The following MRGPRF variants were observed in gnomAD, a reference collection of about 807,000 sequenced individuals.
The protein encoded by MRGPRF is mas-related G protein-coupled receptor member F.
MRGPRF carries 2 observed loss-of-function variants against 3.3 expected under a neutral mutation model. The observed-to-expected ratio is 0.61, with a 90% confidence interval of 0.25 to 1.92. The LOEUF (loss-of-function observed/expected upper bound fraction) is 1.92, where lower values mean the gene tolerates loss of function less well. MRGPRF is among the 40% of genes most tolerant of loss of function. MRGPRF has a pLI of 0.16. For synonymous variants in MRGPRF, 242 were observed against 222.7 expected (o/e 1.09, Z -0.77); for missense variants, 500 against 476.0 (o/e 1.05, Z -0.47).
At chr11:69,006,338 G>A (rs1314027705) in intron 2 of MRGPRF, 77 bp from the exon 3 acceptor site, 3 of 1,385,176 alleles carry the variant, frequency 2.2e-6, no homozygotes, top group Non-Finnish European at 2.8e-6. Flanking sequence ...GCCCAGCGTG[G>A]GGGAGGGGGG....
intron 2 of MRGPRF, among the ~76,000 whole-genome samples, chr11:69,006,871 G>C (rs929816460): frequency 1.3e-5 from 2 of 152,114 alleles, no homozygotes; most frequent in African/African-American, 4.8e-5. Flanking sequence ...TGATCCACCT[G>C]CCTCCCAAAG....
At chr11:69,008,172 C>G (rs1031749810) in intron 2 of MRGPRF, among the ~76,000 whole-genome samples, 14 of 152,120 alleles carry the variant, frequency 9.2e-5, no homozygotes, top group African/African-American at 3.1e-4. Context: ...TGTGGAACAC[C>G]CGATCTTTAA....
In MRGPRF at chr11:69,005,701, G is replaced by A. The variant is rs1860462664; in HGVS notation, c.609C>T (p.Ile203=). The A allele has an allele frequency of 1.3e-6, 2 of 1,550,846 alleles. No homozygotes were observed. Among genetic ancestry groups the A allele is most frequent in the Admixed American group, 3.9e-5 (2 of 50,984 alleles). The change falls in exon 3 of 3, where the codon ATC becomes ATT. Residue 203 remains isoleucine (I), a synonymous_variant. Coordinates refer to ENST00000309099, the MANE Select transcript of MRGPRF (RefSeq NM_145015.5). ...GCGGGCAGCAGAGCAGGAACAGGAG[G>A]ATGCCCAGGAAGATGTCCATGTGCC... The part of the protein sequence containing the change: ...ACRHMDIFLG[I]LLFLLCCPLM...
chr11:69,008,039 C>T (rs1338563083), intron 2 of MRGPRF, among the ~76,000 whole-genome samples: 1 of 152,138 alleles, frequency 6.6e-6, no homozygotes, highest in Non-Finnish European at 1.5e-5. Flanking sequence ...ATCTGAGAGC[C>T]CCTCTCTTGA....
chr11:69,009,555 G>A (rs752898356), intron 2 of MRGPRF: 14 of 593,246 alleles, frequency 2.4e-5, no homozygotes, highest in Non-Finnish European at 3.6e-5. Context: ...CACCTCTGCA[G>A]GGAAGAGATG....
chr11:69,007,068 G>A (rs1860505837), intron 2 of MRGPRF, among the ~76,000 whole-genome samples: 1 of 152,222 alleles, frequency 6.6e-6, no homozygotes, highest in African/African-American at 2.4e-5. Context: ...AGAGATAATG[G>A]CATTGCATCG....
chr11:69,008,466 A>G (rs1399380603), intron 2 of MRGPRF, among the ~76,000 whole-genome samples: 2 of 152,186 alleles, frequency 1.3e-5, no homozygotes, highest in East Asian at 3.9e-4. Flanking sequence ...GTCCTGAGAG[A>G]CTGTTCTCTG....
intron 1 of MRGPRF, among the ~76,000 whole-genome samples, chr11:69,011,933 G>A (rs556078731): frequency 9.2e-5 from 14 of 152,320 alleles, no homozygotes; most frequent in African/African-American, 2.9e-4. Flanking sequence ...TACCATCTGC[G>A]TCCCTCCATT....
chr11:69,009,419 G>A (rs1860549277), intron 2 of MRGPRF: 1 of 493,438 alleles, frequency 2.0e-6, no homozygotes, highest in African/African-American at 2.0e-5. Flanking sequence ...CCCTGGCCTG[G>A]GGCAACACTC....
Position 69,005,865 on chromosome 11 carries a change from CG to C in MRGPRF, c.444del (p.Ala149ProfsTer107). On this transcript the variant is annotated frameshift_variant, in exon 3 of 3. Coordinates refer to ENST00000309099, the MANE Select transcript of MRGPRF (RefSeq NM_145015.5). LOFTEE classifies it low-confidence loss of function (END_TRUNC). ...SAERCASVIF[P>X]AWYWRRRPKR... ...TTGGGCCGCCGGCGCCAGTACCAGGCGGGGAAGATGACCGAGGCGCAGCGCT... is the reference window on the plus strand; with the variant it reads ...TTGGGCCGCCGGCGCCAGTACCAGGCGGGAAGATGACCGAGGCGCAGCGCT... The C allele has an allele frequency of 6.4e-7, 1 of 1,556,726 alleles. No homozygotes were observed.
At chr11:69,009,083 C>A (rs1256435326) in intron 2 of MRGPRF, among the ~76,000 whole-genome samples, 1 of 152,224 alleles carries the variant, frequency 6.6e-6, no homozygotes, top group Non-Finnish European at 1.5e-5. Flanking sequence ...CGCCACTCCA[C>A]AGCGGTCACT....
intron 2 of MRGPRF, chr11:69,009,593 G>A (rs1565065408): frequency 6.6e-6 from 4 of 607,704 alleles, no homozygotes; most frequent in Non-Finnish European, 1.2e-5. Context: ...GATGCTACAA[G>A]GCGACCACAG....
At position 69,009,988 on chromosome 11, in the gene MRGPRF, G is replaced by A; in HGVS notation, c.-56-31C>T. The A allele has an allele frequency of 2.8e-6, 4 of 1,418,550 alleles. No individual in the cohort carries two copies. In the South Asian group the frequency reaches 5.3e-5, roughly 19 times the overall value. The allele number at this position is 1,418,550 out of a possible 1,614,324, so 87.9% of individuals were successfully genotyped here. ...AGAAGCCCAGAGAGAGGGTGGATGA[G>A]GACAGCAGGGACCCCTCCCCTTCCT... On this transcript the variant is annotated intron_variant, in intron 1 of 2. Transcript: ENST00000309099.
chr11:69,007,667 G>A (rs540729358), intron 2 of MRGPRF, among the ~76,000 whole-genome samples: 2 of 152,284 alleles, frequency 1.3e-5, no homozygotes, highest in African/African-American at 4.8e-5. Flanking sequence ...CAACAAACAC[G>A]AAACTATTTG....
chr11:69,009,693 C>T, intron 2 of MRGPRF, 161 bp downstream of exon 2: 1 of 829,936 alleles, frequency 1.2e-6, no homozygotes, highest in Non-Finnish European at 2.0e-6. Context: ...GGAACTTGTG[C>T]CCGGCCACAT....
At chr11:69,010,961 A>G (rs1860582924) in intron 1 of MRGPRF, among the ~76,000 whole-genome samples, 1 of 151,992 alleles carries the variant, frequency 6.6e-6, no homozygotes, top group African/African-American at 2.4e-5. Flanking sequence ...TCCCTGCTGT[A>G]CTGGGGGGGT....
Position 69,009,942 on chromosome 11 carries a change from C to A in MRGPRF, c.-41G>T. 1.3e-6 allele frequency: 2 copies of A among 1,582,994 alleles called. No individual in the cohort carries two copies. On this transcript the variant is annotated 5_prime_UTR_variant, in exon 2 of 3. Coordinates refer to ENST00000309099, the MANE Select transcript of MRGPRF (RefSeq NM_145015.5). ...GTCTGGGCCCCTGCTGGCAGCTCAC[C>A]AGTCTGCACACCCACCTGGCAGAAG...
chr11:69,004,811 C>G lies in MRGPRF; in HGVS notation c.*467G>C. 1 of 156,788 alleles carries G rather than the reference C, an allele frequency of 6.4e-6. No homozygotes were observed. The highest frequency in any genetic ancestry group is 1.4e-5 in the Non-Finnish European group (1 of 71,388). 9.7% of individuals were successfully genotyped at this position (156,788 alleles called of 1,614,324 possible). A position where few individuals can be genotyped will look rare whatever the true frequency, so the allele number is the denominator to read the frequency against. The stretch of plus-strand genomic sequence containing the variant: ...TGAACCAGAACTTTCTTCCAGACAC[C>G]ATTTCCTTCACATTTGCTCACTGAT... On this transcript the variant is annotated 3_prime_UTR_variant, in exon 3 of 3. Transcript: ENST00000309099.
intron 1 of MRGPRF, among the ~76,000 whole-genome samples, chr11:69,010,339 A>G (rs1860569547): frequency 6.6e-6 from 1 of 152,242 alleles, no homozygotes; most frequent in African/African-American, 2.4e-5. Context: ...GGGGTTTCCC[A>G]GCAATCGGTC....
Sources: gnomAD v4.1 joint callset for allele counts (sites outside exome capture counted in the v4.1 genomes callset) on GRCh38, gnomAD v4.1.1 for gene constraint, MANE v1.5 for transcripts, NCBI Gene and HGNC (gene_info 2026-07-23, HGNC 2026-07-21) for gene names.